Variants in CDH2 observed in about 807,000 individuals in gnomAD.
CDH2 encodes the protein cadherin-2.
In CDH2, 17 loss-of-function variants were observed where a neutral mutation model predicts 92.0. That is an observed-to-expected ratio of 0.18 (90% confidence interval 0.13 to 0.28). CDH2 has a LOEUF of 0.28. CDH2 is among the 10% of genes least tolerant of loss of function. The pLI is 1.00. For synonymous variants in CDH2, 419 were observed against 415.9 expected (o/e 1.01, Z -0.09); for missense variants, 862 against 1,133.1 (o/e 0.76, Z 3.44).
Position 27,985,669 on chromosome 18 carries a change from T to C in CDH2, c.1834A>G (p.Thr612Ala). The change falls in exon 12 of 16, where the codon ACT becomes GCT. Residue 612 changes from threonine to alanine, a missense_variant. By Grantham distance (58) the Thr-to-Ala change is moderately conservative. Around this residue, in one of 5 missense-constraint regions of CDH2, gnomAD observed 564 missense variants for 722.2 expected, o/e 0.78. Transcript: ENST00000269141. ...APQVLPQEAE[T>A]CETPDPNSIN... ...GAATTGGGGTCTGGAGTTTCGCAAG[T>C]CTCTGCCTCTTGAGGTAACACTTGA... 1.9e-6 allele frequency: 3 copies of C among 1,613,902 alleles called. No homozygotes were observed. Among genetic ancestry groups the C allele is most frequent in the Non-Finnish European group, 2.5e-6 (3 of 1,179,796 alleles).
At chr18:28,027,923 G>C (rs1040336541) in intron 2 of CDH2, among the ~76,000 whole-genome samples, 3 of 150,970 alleles carry the variant, frequency 2.0e-5, no homozygotes, top group Non-Finnish European at 4.4e-5. Context: ...TAGTCTTTCA[G>C]AGTACAGGTG....
Position 27,952,350 on chromosome 18 carries a change from C to T in CDH2, c.2524G>A (p.Ala842Thr), listed in dbSNP as rs1293562698. 1.2e-6 allele frequency: 2 copies of T among 1,613,258 alleles called. No individual in the cohort carries two copies. Among genetic ancestry groups the T allele is most frequent in the Admixed American group, 3.3e-5 (2 of 59,900 alleles). ...IGDFINEGLKAADNDPTAPPY... is the reference protein window; with the variant it reads ...IGDFINEGLKTADNDPTAPPY... ...GGAGCTGTGGGGTCATTGTCAGCCG[C>T]TTTAAGGCCCTGCAATTTGGAAACA... The change falls in exon 16 of 16, where the codon GCG becomes ACG. Residue 842 changes from alanine to threonine, a missense_variant. Ala to Thr is a moderately conservative substitution (Grantham distance 58, BLOSUM62 0). Around this residue, in one of 5 missense-constraint regions of CDH2, gnomAD observed 114 missense variants for 144.8 expected, o/e 0.79. Transcript: ENST00000269141.
At chr18:27,955,594 A>G (rs2011225508) in intron 15 of CDH2, among the ~76,000 whole-genome samples, 1 of 151,890 alleles carries the variant, frequency 6.6e-6, no homozygotes, top group Admixed American at 6.6e-5. Flanking sequence ...TCATCAAATG[A>G]CTAAGCCACC....
chr18:28,085,493 A>G (rs11083248), intron 2 of CDH2, among the ~76,000 whole-genome samples: 24,769 of 152,078 alleles, frequency 0.16, 2,325 homozygotes, highest in East Asian at 0.3. Context: ...CATCATTCCC[A>G]TATCATGGCT....
At chr18:28,098,215 A>G (rs1373695933) in intron 2 of CDH2, among the ~76,000 whole-genome samples, 1 of 152,232 alleles carries the variant, frequency 6.6e-6, no homozygotes, top group Non-Finnish European at 1.5e-5. Context: ...ATTACATTGA[A>G]GAAGATCTAG....
chr18:28,007,124 C>T (rs1271456405), intron 5 of CDH2, among the ~76,000 whole-genome samples: 1 of 144,906 alleles, frequency 6.9e-6, no homozygotes, highest in Non-Finnish European at 1.5e-5. Flanking sequence ...CATGCCACTG[C>T]ACTCCAGCCT....
chr18:28,119,224 G>C (rs933219017), intron 2 of CDH2, among the ~76,000 whole-genome samples: 2 of 152,128 alleles, frequency 1.3e-5, no homozygotes, highest in Non-Finnish European at 2.9e-5. Context: ...TGTCAGGACT[G>C]CTTTTCATAG....
chr18:27,987,799 A>G lies in CDH2; in HGVS notation c.1741+725T>C, dbSNP rs143836027. 1.3e-4 allele frequency among the ~76,000 whole-genome samples: 20 copies of G among 152,300 alleles called. No homozygotes were observed. In the East Asian group the frequency reaches 2.7e-3, roughly 21 times the overall value. ...TTTAACAAAAAAAGGAAACAGATAT[A>G]TTTAAAACCTCATGGCAATCCCACA... On this transcript the variant is annotated intron_variant, in intron 11 of 15. Transcript: ENST00000269141.
At chr18:28,091,223 C>A (rs548421117) in intron 2 of CDH2, among the ~76,000 whole-genome samples, 1 of 152,286 alleles carries the variant, frequency 6.6e-6, no homozygotes, top group South Asian at 2.1e-4. Flanking sequence ...CTGGGGATCA[C>A]AAACCAACTT....
intron 2 of CDH2, among the ~76,000 whole-genome samples, chr18:28,134,867 A>T (rs2015835345): frequency 6.6e-6 from 1 of 152,140 alleles, no homozygotes; most frequent in South Asian, 2.1e-4. Flanking sequence ...AGCAACATGG[A>T]CTTTAAAAAC....
chr18:27,944,425 T>C (rs1364012897), intron 6 of CDH2, among the ~76,000 whole-genome samples: 1 of 152,188 alleles, frequency 6.6e-6, no homozygotes, highest in Non-Finnish European at 1.5e-5. Flanking sequence ...TGAATACTTT[T>C]TTGAATTACT....
intron 2 of CDH2, among the ~76,000 whole-genome samples, chr18:28,077,518 T>C (rs1389618608): frequency 6.6e-6 from 1 of 152,090 alleles, no homozygotes; most frequent in South Asian, 2.1e-4. Flanking sequence ...TTTTTAACTC[T>C]AAAAGTCCTC....
At chr18:28,099,711 C>T (rs993790739) in intron 2 of CDH2, among the ~76,000 whole-genome samples, 3 of 151,856 alleles carry the variant, frequency 2.0e-5, no homozygotes, top group African/African-American at 7.3e-5. Context: ...GATAAGAAAA[C>T]AAGGCCATGG....
downstream of CDH2, among the ~76,000 whole-genome samples, chr18:27,947,163 C>G (rs986634345): frequency 6.6e-6 from 1 of 151,370 alleles, no homozygotes; most frequent in Non-Finnish European, 1.5e-5. Flanking sequence ...AAGAGAATCG[C>G]CAAAAAGCTA....
chr18:28,045,805 G>A (rs533935782), intron 2 of CDH2, among the ~76,000 whole-genome samples: 1 of 152,240 alleles, frequency 6.6e-6, no homozygotes, highest in East Asian at 1.9e-4. Context: ...CTCAGAGCCC[G>A]GCACAAAACA....
chr18:28,116,523 T>C (rs913751720), intron 2 of CDH2, among the ~76,000 whole-genome samples: 29 of 152,190 alleles, frequency 1.9e-4, no homozygotes, highest in African/African-American at 6.8e-4. Context: ...AAATCACTAT[T>C]TCAATAGGAA....
At chr18:27,982,694 T>C (rs2012094008) in intron 14 of CDH2, among the ~76,000 whole-genome samples, 1 of 151,794 alleles carries the variant, frequency 6.6e-6, no homozygotes, top group Non-Finnish European at 1.5e-5. Flanking sequence ...ATTACACAGA[T>C]ATAACTAGAA....
At position 28,036,728 on chromosome 18, in the gene CDH2, T is replaced by G. The variant is rs2013839434; in HGVS notation, c.173-22819A>C. 5.1e-6 allele frequency: 3 copies of G among 593,832 alleles called. No individual in the cohort carries two copies. The East Asian group carries it at 8.3e-5, about 17-fold the overall frequency. The allele number at this position is 593,832 out of a possible 1,614,324, so 36.8% of individuals were successfully genotyped here. A position where few individuals can be genotyped will look rare whatever the true frequency, so the allele number is the denominator to read the frequency against. On this transcript the variant is annotated intron_variant, in intron 2 of 15. Coordinates refer to ENST00000269141, the MANE Select transcript of CDH2 (RefSeq NM_001792.5). ...GATTGGGTGGCTCAAACAGAGCCCT[T>G]ATTACATCTGATTCACTGATCCCTT... is the stretch of plus-strand genomic sequence containing the variant.
chr18:28,014,980 G>A (rs750794459), intron 2 of CDH2, among the ~76,000 whole-genome samples: 9 of 152,044 alleles, frequency 5.9e-5, no homozygotes, highest in East Asian at 1.9e-4. Context: ...TTCTGTAAAC[G>A]TCTGATGTTA....
Sources: gnomAD v4.1 joint callset for allele counts (sites outside exome capture counted in the v4.1 genomes callset) on GRCh38, gnomAD v4.1.1 for gene constraint, gnomAD v4.1.1 regional missense constraint, MANE v1.5 for transcripts, NCBI Gene and HGNC (gene_info 2026-07-23, HGNC 2026-07-21) for gene names.